The following MED15 variants were observed in gnomAD, a reference collection of about 807,000 sequenced individuals.
MED15 encodes the protein mediator complex subunit 15.
MED15 carries 41 observed loss-of-function variants against 118.7 expected under a neutral mutation model. The ratio of observed to expected loss-of-function variants is 0.35; its 90% CI spans 0.27 to 0.45. The LOEUF is 0.45. Ranked by LOEUF, MED15 falls within the 20% of genes least tolerant of loss-of-function variation. The pLI is 1.00. For synonymous variants in MED15, 436 were observed against 413.9 expected (o/e 1.05, Z -0.65); for missense variants, 740 against 1,025.5 (o/e 0.72, Z 3.80).
chr22:20,582,111 C>G, intron 9 of MED15: 1 of 195,602 alleles, frequency 5.1e-6, no homozygotes, highest in Non-Finnish European at 1.0e-5. Flanking sequence ...GTGTTAACCA[C>G]AACAGATGGC....
rs1250115166 is a variant in MED15, at chr22:20,564,529, A to G, written c.531A>G (p.Leu177=). 5 of 1,592,862 alleles carry G rather than the reference A, an allele frequency of 3.1e-6. No individual in the cohort carries two copies. The Admixed American group carries it at 5.0e-5, about 16-fold the overall frequency. Residue 177 remains leucine, a synonymous_variant, in exon 6 of 18, where the codon CTA becomes CTG. Coordinates refer to ENST00000263205, the MANE Select transcript of MED15 (RefSeq NM_001003891.3). The part of the protein sequence containing the change: ...QQFQQQQQAA[L]QQQQQQQQQQ... ...TCCAGCAGCAGCAGCAGGCGGCGCT[A>G]CAGCAGCAGCAGCAGCAGCAGCAAC...
At chr22:20,573,352 C>G (rs1569239640) in intron 8 of MED15, among the ~76,000 whole-genome samples, 1 of 152,224 alleles carries the variant, frequency 6.6e-6, no homozygotes, top group Non-Finnish European at 1.5e-5. Flanking sequence ...CTCTAATTTA[C>G]AAGTCACAAA....
chr22:20,586,467 G>A (rs1054642508), intron 17 of MED15, 101 bp from the exon 18 acceptor site: 52 of 1,527,126 alleles, frequency 3.4e-5, no homozygotes, highest in Admixed American at 7.3e-5. Flanking sequence ...CTGGTGCTTC[G>A]GCCCGCGCCT....
intron 9 of MED15, chr22:20,582,360 C>T: frequency 1.7e-6 from 1 of 585,126 alleles, no homozygotes. Flanking sequence ...AGCCTGTGCC[C>T]CTGTGGGTCC....
At chr22:20,523,242 C>G (rs1340620078) in intron 1 of MED15, among the ~76,000 whole-genome samples, 1 of 152,136 alleles carries the variant, frequency 6.6e-6, no homozygotes, top group African/African-American at 2.4e-5. Flanking sequence ...GTTGTGTTCT[C>G]TCCCTGGATG....
chr22:20,549,226 G>A (rs182748071), intron 2 of MED15, among the ~76,000 whole-genome samples: 178 of 152,260 alleles, frequency 1.2e-3, no homozygotes, highest in Non-Finnish European at 1.9e-3. Flanking sequence ...CCTGTGTCTG[G>A]CACTGTAAAG....
intron 8 of MED15, among the ~76,000 whole-genome samples, chr22:20,572,796 G>A (rs1411844397): frequency 4.6e-5 from 7 of 152,138 alleles, no homozygotes; most frequent in Non-Finnish European, 8.8e-5. Context: ...GGAGTGGTGC[G>A]TGTCTGCAGT....
chr22:20,508,179 A>G, intron 1 of MED15: 4 of 1,216,610 alleles, frequency 3.3e-6, no homozygotes, highest in Non-Finnish European at 4.2e-6. Context: ...GGGTGGATGT[A>G]AGATGAGATT....
intron 13 of MED15, chr22:20,584,036 C>T: frequency 2.6e-6 from 1 of 387,012 alleles, no homozygotes; most frequent in South Asian, 3.1e-5. Context: ...TCCAGGTCTT[C>T]ATGGGTTGAT....
intron 1 of MED15, among the ~76,000 whole-genome samples, chr22:20,520,419 C>T (rs987328843): frequency 3.3e-5 from 5 of 152,206 alleles, no homozygotes; most frequent in African/African-American, 1.2e-4. Context: ...CACCATACGT[C>T]CTGCAAGTGC....
chr22:20,528,972 A>G (rs753220664), intron 1 of MED15, among the ~76,000 whole-genome samples: 7 of 152,082 alleles, frequency 4.6e-5, no homozygotes, highest in Non-Finnish European at 1.0e-4. Flanking sequence ...GTCCCAGAGC[A>G]CTTGGTGCAG....
chr22:20,577,963 C>A (rs1474740535), intron 9 of MED15, among the ~76,000 whole-genome samples: 1 of 152,056 alleles, frequency 6.6e-6, no homozygotes, highest in Non-Finnish European at 1.5e-5. Context: ...TCGCACTTGT[C>A]CCCCAGGCAG....
chr22:20,552,587 A>G (rs1343486277), intron 3 of MED15: 3 of 441,680 alleles, frequency 6.8e-6, no homozygotes, highest in Non-Finnish European at 1.4e-5. Context: ...TCATGAGGTC[A>G]TGGGAAGCAG....
chr22:20,525,220 G>A lies in MED15; in HGVS notation c.69-11897G>A, dbSNP rs555573161. ...GAGGGAGGATTGCTTGAGCCTAGGA[G>A]TCGGAGGCTGCAGTGAGCTGATTGC... On this transcript the variant is annotated intron_variant, in intron 1 of 17. Transcript: ENST00000263205. 4.6e-5 allele frequency among the ~76,000 whole-genome samples: 7 copies of A among 152,240 alleles called. No homozygotes were observed. The South Asian group carries it at 6.2e-4, about 14-fold the overall frequency.
chr22:20,524,110 G>A (rs1010873316), intron 1 of MED15, among the ~76,000 whole-genome samples: 1 of 152,254 alleles, frequency 6.6e-6, no homozygotes, highest in African/African-American at 2.4e-5. Context: ...GAACCAGAAT[G>A]TAGAAGTTTC....
At chr22:20,532,650 C>G (rs1008577251) in intron 1 of MED15, among the ~76,000 whole-genome samples, 3 of 152,168 alleles carry the variant, frequency 2.0e-5, no homozygotes, top group Non-Finnish European at 4.4e-5. Flanking sequence ...TGGTCGCAAC[C>G]AGGGAGTGGC....
At chr22:20,569,007 A>G (rs2056545884) in intron 8 of MED15, among the ~76,000 whole-genome samples, 2 of 152,160 alleles carry the variant, frequency 1.3e-5, no homozygotes, top group Admixed American at 6.5e-5. Context: ...ACCAGGGTGG[A>G]GGGCAGCTTT....
chr22:20,527,341 ACTC>A (rs540376180), intron 1 of MED15, among the ~76,000 whole-genome samples: 179 of 150,460 alleles, frequency 1.2e-3, no homozygotes, highest in African/African-American at 4.2e-3. Flanking sequence ...ATTTCCAAGA[ACTC>A]CTTCTTTTTC....
At position 20,585,194 on chromosome 22, in the gene MED15, C is replaced by T; in HGVS notation, c.2058C>T (p.Asp686=). 2 of 1,613,766 alleles carry T rather than the reference C, an allele frequency of 1.2e-6. No homozygotes were observed. The highest frequency in any genetic ancestry group is 1.7e-6 in the Non-Finnish European group (2 of 1,180,000). Residue 686 remains aspartate, a synonymous_variant, in exon 16 of 18, where the codon GAC becomes GAT. Transcript: ENST00000263205. ...SVLQGEVARL[D]PKFLVNLDPS... The stretch of plus-strand genomic sequence containing the variant: ...TCCAGGGTGAGGTGGCCAGGCTGGA[C>T]CCCAAGTTCCTGGTAAACCTGGACC...
Sources: gnomAD v4.1 joint callset for allele counts (sites outside exome capture counted in the v4.1 genomes callset) on GRCh38, gnomAD v4.1.1 for gene constraint, MANE v1.5 for transcripts, NCBI Gene and HGNC (gene_info 2026-07-23, HGNC 2026-07-21) for gene names.